The following MROH2A variants were observed in gnomAD, a reference collection of about 807,000 sequenced individuals.
The protein encoded by MROH2A is maestro heat like repeat family member 2A.
Under a neutral mutation model 200.4 loss-of-function variants are expected in MROH2A, and 174 were observed. The ratio of observed to expected loss-of-function variants is 0.87; its 90% CI spans 0.77 to 0.98. The LOEUF (loss-of-function observed/expected upper bound fraction) is 0.98. Ranked by LOEUF, MROH2A falls within the 50% of genes least tolerant of loss-of-function variation. MROH2A has a pLI of 0.00. For missense variants in MROH2A, 2,045 were observed against 2,139.6 expected, an observed-to-expected ratio of 0.96 and a Z score of 0.87; for synonymous variants, 829 against 840.4, an observed-to-expected ratio of 0.99 and a Z score of 0.23.
Position 233,809,208 on chromosome 2 carries a change from A to G in MROH2A, c.2378A>G (p.Gln793Arg), listed in dbSNP as rs1339178507. ...YSCVASYCHP[Q>R]LLLNLVDSPI... ...TGCGTGGCCTCCTACTGCCACCCCC[A>G]GTTGCTCCTCAACCTCGTGGACAGC... The change falls in exon 22 of 42, where the codon CAG (glutamine) becomes CGG (arginine). Residue 793 changes from glutamine (Q) to arginine (R), a missense_variant. Gln to Arg is a conservative substitution (Grantham distance 43). Coordinates refer to ENST00000389758, the MANE Select transcript of MROH2A (RefSeq NM_001394639.1). 1.9e-6 allele frequency: 3 copies of G among 1,550,450 alleles called. No individual in the cohort carries two copies. Among genetic ancestry groups the G allele is most frequent in the South Asian group, 2.4e-5 (2 of 84,048 alleles).
intron 11 of MROH2A, among the ~76,000 whole-genome samples, chr2:233,797,643 G>T (rs1258163702): frequency 6.6e-6 from 1 of 152,056 alleles, no homozygotes; most frequent in Non-Finnish European, 1.5e-5. Flanking sequence ...TTAAAAAGTG[G>T]TTATTTTTTA....
At chr2:233,780,201 G>C (rs1336427138) in intron 3 of MROH2A, among the ~76,000 whole-genome samples, 3 of 152,218 alleles carry the variant, frequency 2.0e-5, no homozygotes, top group Non-Finnish European at 4.4e-5. Flanking sequence ...TGGGTTAAGG[G>C]GCTGGGGTAG....
intron 14 of MROH2A, among the ~76,000 whole-genome samples, chr2:233,801,417 A>G (rs1702466666): frequency 6.6e-6 from 1 of 152,218 alleles, no homozygotes; most frequent in Non-Finnish European, 1.5e-5. Context: ...CACAGCTCCA[A>G]GAATCCATAT....
At position 233,795,783 on chromosome 2, in the gene MROH2A, T is replaced by G. The variant is rs990262973; in HGVS notation, c.1059+38T>G. 3 of 1,550,678 alleles carry G rather than the reference T, an allele frequency of 1.9e-6. No homozygotes were observed. In the African/African-American group the frequency reaches 4.1e-5, roughly 21 times the overall value. On this transcript the variant is annotated intron_variant, in intron 9 of 41. Transcript: ENST00000389758. ...AGCTCAGCTGGACAAGGGCATTCTC[T>G]GGGTGGATCAGCAGGAAGCTGGCGG...
intron 30 of MROH2A, 80 bp from the exon 31 acceptor site, chr2:233,819,822 A>G (rs1703812868): frequency 5.7e-6 from 8 of 1,401,806 alleles, no homozygotes; most frequent in Non-Finnish European, 7.5e-6. Flanking sequence ...GAGCCCTTAG[A>G]GCAGGGGCAT....
Position 233,822,894 on chromosome 2 carries a change from T to C in MROH2A, c.3880T>C (p.Ser1294Pro). The C allele has an allele frequency of 6.4e-7, 1 of 1,550,506 alleles. No individual in the cohort carries two copies. Among genetic ancestry groups the C allele is most frequent in the Admixed American group, 2.0e-5 (1 of 50,996 alleles). ...EMNLQRVTIK[S>P]MQLLFKRVKS... ...ACCTCCCTTCAGGGTCACTATCAAG[T>C]CCATGCAGCTCTTGTTCAAGAGAGT... is the stretch of plus-strand genomic sequence containing the variant. The change falls in exon 34 of 42, where the codon TCC becomes CCC. Residue 1294 changes from serine (S) to proline (P), a missense_variant. Transcript: ENST00000389758.
chr2:233,779,892 T>A (rs1056296595), intron 3 of MROH2A, 40 bp downstream of exon 3: 10 of 1,474,186 alleles, frequency 6.8e-6, no homozygotes, highest in Non-Finnish European at 9.2e-6. Context: ...CACCTTTAGC[T>A]CTGTGTGCAT....
At chr2:233,809,048 G>T (rs2126142237) in intron 21 of MROH2A, 78 bp from the exon 22 acceptor site, 2 of 1,465,550 alleles carry the variant, frequency 1.4e-6, no homozygotes, top group South Asian at 1.3e-5. Context: ...TCCTTTGGTT[G>T]TGTGGCCAGA....
At chr2:233,794,300 A>T (rs1261056471) in intron 7 of MROH2A, 63 bp from the exon 8 acceptor site, 3 of 1,220,774 alleles carry the variant, frequency 2.5e-6, no homozygotes, top group Non-Finnish European at 3.5e-6. Flanking sequence ...GCTGGGGCTG[A>T]GGTCACTGGC....
intron 14 of MROH2A, 57 bp downstream of exon 14, chr2:233,800,372 C>A: frequency 3.1e-6 from 3 of 972,486 alleles, no homozygotes; most frequent in Non-Finnish European, 1.5e-6. Context: ...TGGGGGTGAA[C>A]CACACATGCC....
In MROH2A at chr2:233,800,754, GGACTCA is replaced by G. The variant is rs371961753; in HGVS notation, c.1560+441_1560+446del. 6.7e-4 allele frequency among the ~76,000 whole-genome samples: 102 copies of G among 152,174 alleles called. 1 individual carries two copies. The highest frequency in any genetic ancestry group is 2.2e-3 in the African/African-American group (93 of 41,502). ...CAGGACAGAGGAGTGTGCACTAGGA[GGACTCA>G]GTATGACGGGAAGGAGTGGAAGGAG... On this transcript the variant is annotated intron_variant, in intron 14 of 41. Transcript: ENST00000389758.
Position 233,805,053 on chromosome 2 carries a change from G to T in MROH2A, c.1994G>T (p.Arg665Leu), listed in dbSNP as rs947070117. ...KKTRGSSWSL[R>L]LSKELNNQIA... ...ACCCGGGGGTCTAGCTGGAGCCTGC[G>T]CTTGAGTAAAGAGCTGAACAACCAG... Residue 665 changes from arginine to leucine, a missense_variant, in exon 19 of 42, where the codon CGC (arginine) becomes CTC (leucine). By Grantham distance (102) the Arg-to-Leu change is moderately radical. Transcript: ENST00000389758. 1.9e-6 allele frequency: 3 copies of T among 1,550,294 alleles called. No homozygotes were observed. The highest frequency in any genetic ancestry group is 1.4e-5 in the African/African-American group (1 of 73,146).
intron 35 of MROH2A, among the ~76,000 whole-genome samples, chr2:233,826,787 C>G (rs946994452): frequency 6.6e-6 from 1 of 152,052 alleles, no homozygotes; most frequent in African/African-American, 2.4e-5. Flanking sequence ...GAACAGGCAA[C>G]CTACAGAGTT....
At position 233,807,354 on chromosome 2, in the gene MROH2A, C is replaced by T; in HGVS notation, c.2053-69C>T. 1 of 1,461,832 alleles carries T rather than the reference C, an allele frequency of 6.8e-7. No homozygotes were observed. Among genetic ancestry groups the T allele is most frequent in the Non-Finnish European group, 9.1e-7 (1 of 1,094,058 alleles). The allele number at this position is 1,461,832 out of a possible 1,614,324, so 90.6% of individuals were successfully genotyped here. A position where few individuals can be genotyped will look rare whatever the true frequency, so the allele number is the denominator to read the frequency against. On this transcript the variant is annotated intron_variant, in intron 19 of 41. Coordinates refer to ENST00000389758, the MANE Select transcript of MROH2A (RefSeq NM_001394639.1). The surrounding 1 kb of genome is among the most constrained non-coding windows in gnomAD (Gnocchi z 4.3). The stretch of plus-strand genomic sequence containing the variant: ...AATTGAAAAATACGTAGAAAACTCT[C>T]TACAACAGCACCCCCTGAAGGCTGG...
intron 8 of MROH2A, 98 bp from the exon 9 acceptor site, chr2:233,795,552 CTGG>C (rs914600190): frequency 2.0e-6 from 3 of 1,521,020 alleles, no homozygotes; most frequent in Non-Finnish European, 2.7e-6. Flanking sequence ...CCAGGGAATG[CTGG>C]TGCTCAGTGG....
At chr2:233,824,054 G>A (rs1440495066) in intron 35 of MROH2A, among the ~76,000 whole-genome samples, 2 of 152,132 alleles carry the variant, frequency 1.3e-5, no homozygotes, top group African/African-American at 2.4e-5. Context: ...GTGTTGGAGC[G>A]TCCTGAGGGC....
rs76883884 is a variant in MROH2A, at chr2:233,809,144, C to T, written c.2314C>T (p.Arg772Trp). The T allele has an allele frequency of 1.1e-3, 1,645 of 1,549,912 alleles. 31 individuals carry two copies. The South Asian group carries it at 0.016, about 15-fold the overall frequency. The part of the protein sequence containing the change: ...SAWRKDHPWR[R>W]ETVKSALMVM... Reference sequence around the variant, plus strand: ...CTCGTAGAAGGACCATCCCTGGAGGCGGGAGACAGTGAAAAGTGCCCTCAT... The same window carrying T: ...CTCGTAGAAGGACCATCCCTGGAGGTGGGAGACAGTGAAAAGTGCCCTCAT... The change falls in exon 22 of 42, where the codon CGG becomes TGG. Residue 772 changes from arginine to tryptophan, a missense_variant. Physicochemically the swap from Arg to Trp is moderately radical, Grantham distance 101 (BLOSUM62 -3). Transcript: ENST00000389758.
chr2:233,803,240 A>G (rs1443887587), intron 15 of MROH2A, among the ~76,000 whole-genome samples: 2 of 152,216 alleles, frequency 1.3e-5, no homozygotes, highest in Non-Finnish European at 2.9e-5. Context: ...ACCCATTAGC[A>G]CGATTCTCCC....
At chr2:233,784,339 G>A (rs1365295082) in intron 3 of MROH2A, among the ~76,000 whole-genome samples, 1 of 152,018 alleles carries the variant, frequency 6.6e-6, no homozygotes, top group African/African-American at 2.4e-5. Flanking sequence ...CTATGTGTTT[G>A]TGTATTTTCC....
Sources: gnomAD v4.1 joint callset for allele counts (sites outside exome capture counted in the v4.1 genomes callset) on GRCh38, gnomAD v4.1.1 for gene constraint, Gnocchi (gnomAD v3.1) non-coding constraint, MANE v1.5 for transcripts, NCBI Gene and HGNC (gene_info 2026-07-23, HGNC 2026-07-21) for gene names.